Variants in CDK20 observed in about 807,000 individuals in gnomAD.
CDK20 encodes the protein cyclin dependent kinase 20, also known as cyclin-dependent kinase 20.
Under a neutral mutation model 38.6 loss-of-function variants are expected in CDK20, and 40 were observed. That is an observed-to-expected ratio of 1.04 (90% CI 0.81 to 1.35). The LOEUF is 1.35. CDK20 is among the 40% of genes most tolerant of loss of function. The pLI, the probability that CDK20 is intolerant of heterozygous loss-of-function variation, is 0.00. For missense variants in CDK20, 512 were observed against 452.6 expected (o/e 1.13, Z -1.19); for synonymous variants, 209 against 185.7 (o/e 1.13, Z -1.02).
At chr9:87,972,879 C>G (rs540411451) in intron 2 of CDK20, among the ~76,000 whole-genome samples, 1 of 152,166 alleles carries the variant, frequency 6.6e-6, no homozygotes, top group Non-Finnish European at 1.5e-5. Context: ...TTGCTGTTTT[C>G]GGATTTTTCA....
At position 87,969,802 on chromosome 9, in the gene CDK20, G is replaced by C. The variant is rs376165656; in HGVS notation, c.681C>G (p.Val227=). The C allele has an allele frequency of 4.3e-6, 7 of 1,613,764 alleles. No individual in the cohort carries two copies. The African/African-American group carries it at 9.3e-5, about 22-fold the overall frequency. ...ACCAAGGGCCCCTACAAACCGGCCA[G>C]ACTTGAGGGTTTGGGGTGCCCAAGA... is the stretch of plus-strand genomic sequence containing the variant. ...LRILGTPNPQ[V]WPELTELPDY... Residue 227 remains valine (V), a synonymous_variant, in exon 6 of 8, where the codon GTC becomes GTG. Coordinates refer to ENST00000325303, the MANE Select transcript of CDK20 (RefSeq NM_001039803.3).
chr9:87,969,547 C>T (rs1829701975), intron 6 of CDK20, 198 bp from the exon 7 acceptor site: 4 of 771,152 alleles, frequency 5.2e-6, no homozygotes, highest in Non-Finnish European at 8.2e-6. Context: ...CAGATGACGA[C>T]TCTGTGCACA....
At position 87,974,390 on chromosome 9, in the gene CDK20, G is replaced by A. The variant is rs1425342139; in HGVS notation, c.57C>T (p.Phe19=). The A allele has an allele frequency of 6.2e-7, 1 of 1,612,902 alleles. No individual in the cohort carries two copies. The change falls in exon 1 of 8, where the codon TTC becomes TTT. Residue 19 remains phenylalanine, a synonymous_variant. Transcript: ENST00000325303. Reference sequence around the variant, plus strand: ...GCCTCACCTCCACGTGCTTGGCCTTGAAGACGATGCCGTGGGCGCCCTCCC... The same window carrying A: ...GCCTCACCTCCACGTGCTTGGCCTTAAAGACGATGCCGTGGGCGCCCTCCC... The part of the protein sequence containing the change: ...RIGEGAHGIV[F]KAKHVETGEI...
chr9:87,970,459 G>A (rs563723235), intron 5 of CDK20, 109 bp downstream of exon 5: 4 of 1,012,794 alleles, frequency 3.9e-6, no homozygotes, highest in Admixed American at 5.4e-5. Context: ...CACCCTTAAG[G>A]AAGCCTAAAC....
At chr9:87,970,728 G>A in intron 4 of CDK20, 48 bp downstream of exon 4, 1 of 1,613,278 alleles carries the variant, frequency 6.2e-7, no homozygotes, top group Non-Finnish European at 8.5e-7. Flanking sequence ...AGGCCCAGAA[G>A]CATCTCTTCC....
At position 87,966,868 on chromosome 9, in the gene CDK20, G is replaced by A; in HGVS notation, c.*594C>T. 2.7e-6 allele frequency: 1 copy of A among 365,240 alleles called. No individual in the cohort carries two copies. Among genetic ancestry groups the A allele is most frequent in the African/African-American group, 2.1e-5 (1 of 47,060 alleles). The allele number at this position is 365,240 out of a possible 1,614,324, so 22.6% of individuals were successfully genotyped here. On this transcript the variant is annotated 3_prime_UTR_variant, in exon 8 of 8. Coordinates refer to ENST00000325303, the MANE Select transcript of CDK20 (RefSeq NM_001039803.3). The stretch of plus-strand genomic sequence containing the variant: ...CCTCAGGGCAAAAGTGGCTATGCCT[G>A]GTGCTACCCTCCCCATGACCCCAAA...
chr9:87,970,378 T>C (rs1829761717), intron 5 of CDK20, 190 bp downstream of exon 5: 2 of 591,218 alleles, frequency 3.4e-6, no homozygotes, highest in Non-Finnish European at 5.9e-6. Context: ...ACCTGGCCCC[T>C]ACCCAGCTCG....
intron 2 of CDK20, among the ~76,000 whole-genome samples, chr9:87,972,212 GAAAAA>G (rs909778078): frequency 2.7e-5 from 4 of 150,192 alleles, no homozygotes. Context: ...ATCAAAAAAA[GAAAAA>G]AAATCAACAG....
At position 87,973,649 on chromosome 9, in the gene CDK20, A is replaced by G. The variant is rs138400690; in HGVS notation, c.189+273T>C. The stretch of plus-strand genomic sequence containing the variant: ...TATAAATCACTACATGTTTTGAGAA[A>G]AAAAGTCGGTGAATGAATGAATACA... On this transcript the variant is annotated intron_variant, in intron 2 of 7. Transcript: ENST00000325303. Among the ~76,000 whole-genome samples, 107 of 151,938 alleles carry G rather than the reference A, an allele frequency of 7.0e-4. 3 individuals carry two copies. The East Asian group carries it at 0.02, about 28-fold the overall frequency.
intron 5 of CDK20, 192 bp from the exon 6 acceptor site, chr9:87,970,111 C>G (rs556502315): frequency 3.6e-6 from 2 of 554,700 alleles, no homozygotes; most frequent in South Asian, 3.9e-5. Context: ...CCCAGCTGTT[C>G]CAAGACTTCT....
chr9:87,967,702 C>T, intron 7 of CDK20, 43 bp from the exon 8 acceptor site: 3 of 1,431,224 alleles, frequency 2.1e-6, no homozygotes, highest in Non-Finnish European at 2.8e-6. Flanking sequence ...AACTAGTCAC[C>T]TCCCTGTCCC....
chr9:87,973,831 T>C, intron 2 of CDK20, 91 bp downstream of exon 2: 1 of 1,319,580 alleles, frequency 7.6e-7, no homozygotes, highest in Non-Finnish European at 1.1e-6. Flanking sequence ...CCCTGAAAGC[T>C]GGTGAAGGCG....
rs1364726631 is a variant in CDK20 at position 87,969,379 on chromosome 9, TGA to T, written c.688-32_688-31del. The stretch of plus-strand genomic sequence containing the variant: ...GCCAGGGAGAAGGAACAGGGTACAA[TGA>T]GAGTAGTTCCCGACCCTTGCCATGC... On this transcript the variant is annotated intron_variant, in intron 6 of 7. Transcript: ENST00000325303. 3 of 1,610,772 alleles carry T rather than the reference TGA, an allele frequency of 1.9e-6. No homozygotes were observed. The African/African-American group carries it at 4.0e-5, about 22-fold the overall frequency.
intron 3 of CDK20, 27 bp from the exon 4 acceptor site, chr9:87,970,924 C>T (rs774811448): frequency 5.6e-6 from 9 of 1,613,574 alleles, no homozygotes; most frequent in African/African-American, 1.3e-5. Context: ...AAGCATCAGT[C>T]CCTCCAAATC....
Position 87,973,905 on chromosome 9 carries a change from C to T in CDK20, c.189+17G>A, listed in dbSNP as rs183613994. 501 of 1,610,286 alleles carry T rather than the reference C, an allele frequency of 3.1e-4. 2 individuals carry two copies. In the African/African-American group the frequency reaches 5.6e-3, roughly 18 times the overall value. On this transcript the variant is annotated intron_variant, in intron 2 of 7. Transcript: ENST00000325303. ...CGACTGAGGGTGAGAATACCATGCC[C>T]CCCCTCCCCTACTCACATACTGATT...
rs1395061297 is a variant in CDK20 at position 87,971,224 on chromosome 9, G to A, written c.301C>T (p.Gln101Ter). Residue 101 changes from glutamine (Q) to a stop codon, truncating the protein, a stop_gained, in exon 3 of 8, where the codon CAG becomes TAG. Coordinates refer to ENST00000325303, the MANE Select transcript of CDK20 (RefSeq NM_001039803.3). LOFTEE classifies it high-confidence loss of function. The part of the protein sequence containing the change: ...VVRHAQRPLA[Q>*]AQVKSYLQML... The stretch of plus-strand genomic sequence containing the variant: ...TGCAGGTAGCTCTTGACCTGTGCCT[G>A]GGCTAGTGGCCTCTGGGCATGGCGC... 6.2e-7 allele frequency: 1 copy of A among 1,614,174 alleles called. No homozygotes were observed. Among genetic ancestry groups the A allele is most frequent in the Non-Finnish European group, 8.5e-7 (1 of 1,180,036 alleles).
chr9:87,972,682 A>T (rs567709677), intron 2 of CDK20, among the ~76,000 whole-genome samples: 1 of 152,304 alleles, frequency 6.6e-6, no homozygotes, highest in South Asian at 2.1e-4. Flanking sequence ...TGTCATTCTG[A>T]TGAGTGGTGA....
intron 2 of CDK20, among the ~76,000 whole-genome samples, chr9:87,973,451 C>G (rs1181212767): frequency 1.3e-5 from 2 of 152,090 alleles, no homozygotes; most frequent in African/African-American, 4.8e-5. Flanking sequence ...AAACCTGGGC[C>G]AAACCCTCTA....
At position 87,973,941 on chromosome 9, in the gene CDK20, TC is replaced by T. The variant is rs1233794254; in HGVS notation, c.169del (p.Glu57ArgfsTer11). 2.5e-6 allele frequency: 4 copies of T among 1,613,914 alleles called. No homozygotes were observed. The African/African-American group carries it at 5.3e-5, about 22-fold the overall frequency. On this transcript the variant is annotated frameshift_variant, in exon 2 of 8. Transcript: ENST00000325303. LOFTEE classifies it high-confidence loss of function. ...QALREIKALQ[E>X]MEDNQYVVQL... is the part of the protein sequence containing the mutation. ...ACTCACATACTGATTGTCCTCCATCTCCTGCAGAGCCTTAATCTCCCGCAGG... is the reference window on the plus strand; with the variant it reads ...ACTCACATACTGATTGTCCTCCATCTCTGCAGAGCCTTAATCTCCCGCAGG...
Sources: gnomAD v4.1 joint callset for allele counts (sites outside exome capture counted in the v4.1 genomes callset) on GRCh38, gnomAD v4.1.1 for gene constraint, MANE v1.5 for transcripts, NCBI Gene and HGNC (gene_info 2026-07-23, HGNC 2026-07-21) for gene names.